The following AK7 variants were observed in gnomAD, a reference collection of about 807,000 sequenced individuals.
AK7 encodes the protein ATP-AMP transphosphorylase 7.
Under a neutral mutation model 96.6 loss-of-function variants are expected in AK7, and 78 were observed. That is an observed-to-expected ratio of 0.81 (90% CI 0.67 to 0.97). The LOEUF (loss-of-function observed/expected upper bound fraction) is 0.97, where lower values mean the gene tolerates loss of function less well. Among genes scored for constraint, AK7 ranks in the 50% least tolerant of loss-of-function variants. AK7 has a pLI of 0.00. For synonymous variants in AK7, 302 were observed against 317.2 expected (o/e 0.95, Z 0.51); for missense variants, 855 against 887.9 (o/e 0.96, Z 0.47).
intron 14 of AK7, among the ~76,000 whole-genome samples, chr14:96,473,330 C>T (rs910349030): frequency 1.3e-5 from 2 of 151,778 alleles, no homozygotes; most frequent in African/African-American, 4.8e-5. Flanking sequence ...ACCACCATGA[C>T]TGGCTAATTT....
At chr14:96,429,243 C>G (rs113362397) in intron 5 of AK7, among the ~76,000 whole-genome samples, 5 of 151,938 alleles carry the variant, frequency 3.3e-5, no homozygotes, top group Non-Finnish European at 5.9e-5. Context: ...TCTTGTTTTT[C>G]TCAGGTTTGT....
At position 96,446,391 on chromosome 14, in the gene AK7, A is replaced by G. The variant is rs1893234302; in HGVS notation, c.780-126A>G. ...CATCCCAACCCTGACCGTATTGAAAATGGAGATAACTTATCAAAGCACCAA... is the reference window on the plus strand; with the variant it reads ...CATCCCAACCCTGACCGTATTGAAAGTGGAGATAACTTATCAAAGCACCAA... On this transcript the variant is annotated intron_variant, in intron 7 of 17. Coordinates refer to ENST00000267584, the MANE Select transcript of AK7 (RefSeq NM_152327.5). The G allele has an allele frequency of 6.9e-6, 5 of 727,438 alleles. No individual in the cohort carries two copies. The Admixed American group carries it at 8.4e-5, about 12-fold the overall frequency. 45.1% of individuals were successfully genotyped at this position (727,438 alleles called of 1,614,324 possible).
intron 1 of AK7, among the ~76,000 whole-genome samples, chr14:96,394,443 A>C (rs1003507011): frequency 1.3e-5 from 2 of 152,194 alleles, no homozygotes; most frequent in Non-Finnish European, 2.9e-5. Flanking sequence ...ATAATGTTTA[A>C]ATTTTTTTTT....
chr14:96,448,830 C>T (rs992203701), intron 8 of AK7, among the ~76,000 whole-genome samples: 9 of 151,812 alleles, frequency 5.9e-5, no homozygotes, highest in East Asian at 1.9e-4. Context: ...GTGATGCACG[C>T]CTATAATGCC....
intron 5 of AK7, among the ~76,000 whole-genome samples, chr14:96,428,070 C>T (rs977096760): frequency 2.0e-5 from 3 of 152,014 alleles, no homozygotes; most frequent in Non-Finnish European, 2.9e-5. Flanking sequence ...CCCATTAATT[C>T]GTCATTTACA....
intron 12 of AK7, among the ~76,000 whole-genome samples, chr14:96,461,580 CTTTA>C (rs996866844): frequency 1.2e-4 from 18 of 152,080 alleles, no homozygotes; most frequent in Non-Finnish European, 2.4e-4. Context: ...AAACATTGAA[CTTTA>C]TTTATTTATT....
At chr14:96,423,111 C>T (rs1244249466) in intron 5 of AK7, among the ~76,000 whole-genome samples, 1 of 152,202 alleles carries the variant, frequency 6.6e-6, no homozygotes, top group East Asian at 1.9e-4. Context: ...CATGCCCCAA[C>T]AACAGCAAAG....
intron 4 of AK7, among the ~76,000 whole-genome samples, chr14:96,416,198 A>G (rs1891339069): frequency 6.6e-6 from 1 of 152,190 alleles, no homozygotes; most frequent in South Asian, 2.1e-4. Flanking sequence ...AGCCTGGCCA[A>G]CATGGTGAAA....
intron 8 of AK7, 75 bp downstream of exon 8, chr14:96,446,682 T>C: frequency 7.4e-7 from 1 of 1,354,958 alleles, no homozygotes; most frequent in Non-Finnish European, 1.1e-6. Flanking sequence ...GGCTCATGCC[T>C]GTAATCCTAG....
chr14:96,422,883 A>G (rs1293985336), intron 5 of AK7, among the ~76,000 whole-genome samples: 2 of 152,344 alleles, frequency 1.3e-5, no homozygotes, highest in East Asian at 3.9e-4. Flanking sequence ...ATGCCCTGAC[A>G]ATGAATAAGT....
chr14:96,459,257 G>A (rs938741504), intron 12 of AK7, among the ~76,000 whole-genome samples: 1 of 151,966 alleles, frequency 6.6e-6, no homozygotes, highest in Admixed American at 6.6e-5. Flanking sequence ...AGAATCGCTT[G>A]AACCCGGGAG....
At position 96,411,518 on chromosome 14, in the gene AK7, A is replaced by T. The variant is rs187567382; in HGVS notation, c.498+2577A>T. 9.9e-3 allele frequency among the ~76,000 whole-genome samples: 1,513 copies of T among 152,302 alleles called. 8 individuals are homozygous for T. The highest frequency in any genetic ancestry group is 0.041 in the Middle Eastern group (12 of 294). ...AGAGAGAGGCCCTGTCTCAAAAAAA[A>T]AAATAAATAAATAAAGGAAAAATTA... On this transcript the variant is annotated intron_variant, in intron 4 of 17. Coordinates refer to ENST00000267584, the MANE Select transcript of AK7 (RefSeq NM_152327.5).
chr14:96,478,055 G>A (rs879821866), intron 14 of AK7, among the ~76,000 whole-genome samples: 1 of 151,858 alleles, frequency 6.6e-6, no homozygotes, highest in South Asian at 2.1e-4. Flanking sequence ...TTTTAAAAAA[G>A]AGAAAAGAGA....
rs1022406558 is a variant in AK7 at position 96,471,597 on chromosome 14, C to T, written c.1477C>T (p.Leu493=). The part of the protein sequence containing the change: ...FPKTYDQAKD[L]FNQEDEEEED... The stretch of plus-strand genomic sequence containing the variant: ...AAAGACCTATGATCAAGCAAAAGAC[C>T]TGTTCAATCGTAAGTTTGAGTGTTC... The change falls in exon 13 of 18, where the codon CTG becomes TTG. Residue 493 remains leucine (L), a synonymous_variant. Transcript: ENST00000267584. The T allele has an allele frequency of 2.6e-6, 4 of 1,563,532 alleles. No homozygotes were observed. In the African/African-American group the frequency reaches 4.1e-5, roughly 16 times the overall value.
intron 1 of AK7, among the ~76,000 whole-genome samples, chr14:96,393,813 G>T (rs1433622271): frequency 6.9e-6 from 1 of 144,248 alleles, no homozygotes; most frequent in African/African-American, 2.4e-5. Flanking sequence ...CATCTAAAAT[G>T]CATCCATCAA....
chr14:96,443,365 T>C (rs902132527), intron 7 of AK7, among the ~76,000 whole-genome samples: 3 of 152,216 alleles, frequency 2.0e-5, no homozygotes. Flanking sequence ...GTTGGTTCAC[T>C]GTGTTTGTGG....
Position 96,420,900 on chromosome 14 carries a change from G to A in AK7, c.577G>A (p.Ala193Thr), listed in dbSNP as rs1305091178. Residue 193 changes from alanine to threonine, a missense_variant, in exon 5 of 18, where the codon GCT becomes ACT. Ala to Thr is a moderately conservative substitution (Grantham distance 58). Transcript: ENST00000267584. Reference protein sequence around the residue: ...SHPNFLDHINAEKMVLKFGKK... With the variant: ...SHPNFLDHINTEKMVLKFGKK... The stretch of plus-strand genomic sequence containing the variant: ...TCCTAATTTTCTGGACCACATAAAT[G>A]CTGAAAAAATGGTTCTCAAATTTGG... 1.9e-6 allele frequency: 3 copies of A among 1,612,984 alleles called. No individual in the cohort carries two copies. The highest frequency in any genetic ancestry group is 2.5e-6 in the Non-Finnish European group (3 of 1,179,132).
intron 14 of AK7, among the ~76,000 whole-genome samples, chr14:96,478,137 T>G (rs960412170): frequency 4.0e-5 from 6 of 150,810 alleles, no homozygotes; most frequent in Admixed American, 6.6e-5. Context: ...TTTCTGCTGC[T>G]TTTATTAGTT....
chr14:96,485,765 A>T (rs1453946057), intron 16 of AK7, among the ~76,000 whole-genome samples: 3 of 146,828 alleles, frequency 2.0e-5, no homozygotes, highest in East Asian at 4.0e-4. Flanking sequence ...GCTAAGAAAG[A>T]CCTCCTTTCA....
Sources: allele counts gnomAD v4.1 joint callset (sites outside exome capture counted in the v4.1 genomes callset), GRCh38; gene constraint gnomAD v4.1.1; transcripts MANE v1.5; gene names NCBI Gene and HGNC (gene_info 2026-07-23, HGNC 2026-07-21).